Variants in LYPD6B observed in about 807,000 individuals in gnomAD.
LYPD6B encodes LY6/PLAUR domain containing 6B, also known as ly6/PLAUR domain-containing protein 6B.
LYPD6B carries 17 observed loss-of-function variants against 22.8 expected under a neutral mutation model. The ratio of observed to expected loss-of-function variants is 0.75; its 90% CI spans 0.51 to 1.12. The LOEUF is 1.12. Ranked by LOEUF, LYPD6B falls within the 50% of genes most tolerant of loss-of-function variation. The pLI is 0.00. For synonymous variants in LYPD6B, 106 were observed against 91.6 expected (o/e 1.16, Z -0.90); for missense variants, 221 against 258.3 (o/e 0.86, Z 0.99).
At chr2:149,041,963 G>T (rs1332260882) in intron 1 of LYPD6B, among the ~76,000 whole-genome samples, 1 of 152,188 alleles carries the variant, frequency 6.6e-6, no homozygotes, top group African/African-American at 2.4e-5. Context: ...AGGAGTTTCA[G>T]AAGAGTTTCA....
Position 149,162,994 on chromosome 2 carries a change from G to A in LYPD6B, c.77+2159G>A, listed in dbSNP as rs200566030. ...TGGGCAACTGGGTTGGAATTGTGGG[G>A]TGCCTGCATCCCCTCACATTTTAAA... On this transcript the variant is annotated intron_variant, in intron 3 of 6. Transcript: ENST00000409642. 2.6e-5 allele frequency among the ~76,000 whole-genome samples: 4 copies of A among 152,030 alleles called. No individual in the cohort carries two copies. The East Asian group carries it at 7.7e-4, about 29-fold the overall frequency.
chr2:149,193,163 A>G (rs7573055), intron 3 of LYPD6B, among the ~76,000 whole-genome samples: 126,374 of 152,030 alleles, frequency 0.83, 54,174 homozygotes, highest in South Asian at 0.97. Context: ...CCAGATGGTC[A>G]CCTCACCAAG....
intron 1 of LYPD6B, among the ~76,000 whole-genome samples, chr2:149,069,955 C>T (rs189196764): frequency 3.7e-4 from 55 of 148,422 alleles, no homozygotes; most frequent in Middle Eastern, 3.5e-3. Context: ...TGTGTGTGTA[C>T]GTGTGTGTGT....
chr2:149,128,458 G>T (rs1310245869), intron 1 of LYPD6B, among the ~76,000 whole-genome samples: 1 of 152,202 alleles, frequency 6.6e-6, no homozygotes. Flanking sequence ...CACTGCATTT[G>T]TTCCACATTA....
intron 1 of LYPD6B, among the ~76,000 whole-genome samples, chr2:149,087,018 TA>T (rs879669919): frequency 6.6e-6 from 1 of 151,488 alleles, no homozygotes. Flanking sequence ...TTTTTTTTTT[TA>T]AAAAAACCCT....
chr2:149,058,070 G>A (rs999763643), intron 1 of LYPD6B, among the ~76,000 whole-genome samples: 1 of 152,224 alleles, frequency 6.6e-6, no homozygotes, highest in Non-Finnish European at 1.5e-5. Flanking sequence ...CCTGAGTTCT[G>A]TTCTTGGTCC....
intron 1 of LYPD6B, among the ~76,000 whole-genome samples, chr2:149,130,436 AG>A (rs1687955001): frequency 6.6e-6 from 1 of 152,194 alleles, no homozygotes; most frequent in South Asian, 2.1e-4. Flanking sequence ...GAGGGGCAAA[AG>A]CTAGTTTTTT....
chr2:149,155,760 G>C (rs894515756), intron 2 of LYPD6B, among the ~76,000 whole-genome samples: 3 of 152,176 alleles, frequency 2.0e-5, no homozygotes, highest in Non-Finnish European at 4.4e-5. Flanking sequence ...TTGGGAGTCA[G>C]GCCTAATGCC....
At chr2:149,159,586 G>A (rs1575086128) in intron 2 of LYPD6B, among the ~76,000 whole-genome samples, 1 of 103,298 alleles carries the variant, frequency 9.7e-6, no homozygotes, top group East Asian at 2.2e-4. Context: ...GAGCATATGT[G>A]TGCGTGTGTG....
chr2:149,056,098 G>A (rs1237760232), intron 1 of LYPD6B, among the ~76,000 whole-genome samples: 1 of 152,146 alleles, frequency 6.6e-6, no homozygotes, highest in Non-Finnish European at 1.5e-5. Flanking sequence ...TGGCATAATG[G>A]CTACTAGAAA....
intron 3 of LYPD6B, among the ~76,000 whole-genome samples, chr2:149,172,991 T>C (rs908299573): frequency 4.0e-5 from 6 of 151,874 alleles, no homozygotes; most frequent in Non-Finnish European, 8.8e-5. Flanking sequence ...TATATATATA[T>C]ATATATGCGC....
chr2:149,083,773 T>C (rs1053434363), intron 1 of LYPD6B, among the ~76,000 whole-genome samples: 2 of 152,142 alleles, frequency 1.3e-5, no homozygotes, highest in Admixed American at 1.3e-4. Context: ...AGTGGATCTT[T>C]CCGCTGTAGA....
chr2:149,061,121 G>A (rs1313818278), intron 1 of LYPD6B, among the ~76,000 whole-genome samples: 1 of 152,102 alleles, frequency 6.6e-6, no homozygotes, highest in Non-Finnish European at 1.5e-5. Flanking sequence ...AATACTTAAT[G>A]GAAAGCTTGG....
intron 2 of LYPD6B, among the ~76,000 whole-genome samples, chr2:149,150,324 G>A (rs1284578764): frequency 2.0e-5 from 3 of 152,032 alleles, no homozygotes; most frequent in South Asian, 4.2e-4. Context: ...TTGCTTACTC[G>A]TTTGTTTTGC....
chr2:149,192,976 C>T (rs542930002), intron 3 of LYPD6B, among the ~76,000 whole-genome samples: 4 of 152,082 alleles, frequency 2.6e-5, no homozygotes, highest in South Asian at 4.2e-4. Flanking sequence ...GTGCTGTGCT[C>T]GCTTCTGGAG....
intron 1 of LYPD6B, among the ~76,000 whole-genome samples, chr2:149,126,112 A>G (rs1687681604): frequency 6.6e-6 from 1 of 152,224 alleles, no homozygotes; most frequent in Admixed American, 6.5e-5. Flanking sequence ...GAAGATAACT[A>G]CTATCTTCTG....
Position 149,173,349 on chromosome 2 carries a change from C to CTTTTTTTTTTTTTTTT in LYPD6B, c.77+12519_77+12534dup, listed in dbSNP as rs67113716. Among the ~76,000 whole-genome samples the CTTTTTTTTTTTTTTTT allele has an allele frequency of 4.8e-4, 28 of 58,480 alleles. 3 individuals are homozygous for CTTTTTTTTTTTTTTTT. Among genetic ancestry groups the CTTTTTTTTTTTTTTTT allele is most frequent in the African/African-American group, 8.7e-4 (11 of 12,682 alleles). 38.4% of individuals were successfully genotyped at this position (58,480 alleles called of 152,430 possible). A position where few individuals can be genotyped will look rare whatever the true frequency, so the allele number is the denominator to read the frequency against. ...AGCTTGATGCTTTAGTCTGTCAGGC[C>CTTTTTTTTTTTTTTTT]TTTTTTTTTTTTTTTTTTTTGCATC... is the stretch of plus-strand genomic sequence containing the variant. On this transcript the variant is annotated intron_variant, in intron 3 of 6. Coordinates refer to ENST00000409642, the MANE Select transcript of LYPD6B (RefSeq NM_177964.5).
intron 1 of LYPD6B, among the ~76,000 whole-genome samples, chr2:149,105,484 G>T (rs1057358720): frequency 6.6e-6 from 1 of 152,120 alleles, no homozygotes; most frequent in Non-Finnish European, 1.5e-5. Flanking sequence ...TCTTTACGTT[G>T]TTTCAGCAAT....
chr2:149,120,579 T>G (rs1306653414), intron 1 of LYPD6B, among the ~76,000 whole-genome samples: 1 of 148,160 alleles, frequency 6.7e-6, no homozygotes, highest in East Asian at 2.0e-4. Flanking sequence ...GAGACGGGGT[T>G]TCACCGGGTT....
Sources: gnomAD v4.1 joint callset for allele counts (sites outside exome capture counted in the v4.1 genomes callset) on GRCh38, gnomAD v4.1.1 for gene constraint, MANE v1.5 for transcripts, NCBI Gene and HGNC (gene_info 2026-07-23, HGNC 2026-07-21) for gene names.